PARD3: variants seen among roughly 807,000 people sequenced by gnomAD.
The protein encoded by PARD3 is partitioning defective 3 homolog.
PARD3 carries 75 observed loss-of-function variants against 155.4 expected under a neutral mutation model. The observed-to-expected ratio is 0.48, with a 90% CI of 0.40 to 0.58. The LOEUF is 0.58. PARD3 is among the 20% of genes least tolerant of loss of function. The probability of loss-of-function intolerance (pLI) is 0.00; values close to 1 mark genes in which losing one functional copy is unlikely to be tolerated. For missense variants in PARD3, 1,642 were observed against 1,721.7 expected (o/e 0.95, Z 0.82); for synonymous variants, 576 against 610.5 (o/e 0.94, Z 0.83).
intron 20 of PARD3, among the ~76,000 whole-genome samples, chr10:34,306,092 G>C (rs1045824038): frequency 6.6e-6 from 1 of 151,910 alleles, no homozygotes; most frequent in Non-Finnish European, 1.5e-5. Context: ...TCCAGAGTTG[G>C]AGACCAGCAT....
intron 20 of PARD3, among the ~76,000 whole-genome samples, chr10:34,307,407 G>A (rs1339743549): frequency 6.6e-6 from 1 of 152,112 alleles, no homozygotes; most frequent in Non-Finnish European, 1.5e-5. Flanking sequence ...CAAACTCTGG[G>A]AGCAGGGTAG....
At chr10:34,726,768 A>G (rs554892034) in intron 1 of PARD3, among the ~76,000 whole-genome samples, 1 of 151,924 alleles carries the variant, frequency 6.6e-6, no homozygotes, top group Non-Finnish European at 1.5e-5. Context: ...ATCTCCAAAA[A>G]AAAAAGTGGG....
At chr10:34,483,917 A>C (rs1412292211) in intron 3 of PARD3, among the ~76,000 whole-genome samples, 1 of 152,162 alleles carries the variant, frequency 6.6e-6, no homozygotes, top group East Asian at 1.9e-4. Context: ...ATTAATATAT[A>C]TTGCTGATTA....
intron 5 of PARD3, among the ~76,000 whole-genome samples, chr10:34,428,665 T>C (rs1042260974): frequency 1.3e-5 from 2 of 152,120 alleles, no homozygotes; most frequent in African/African-American, 4.8e-5. Flanking sequence ...AGTAAAGAGG[T>C]TAGAGCCCTG....
At chr10:34,644,923 G>A (rs1226604654) in intron 2 of PARD3, among the ~76,000 whole-genome samples, 4 of 152,074 alleles carry the variant, frequency 2.6e-5, no homozygotes, top group Non-Finnish European at 5.9e-5. Flanking sequence ...ATGAGATCCT[G>A]GCCCACTTCA....
In PARD3 at chr10:34,566,158, T is replaced by C. The variant is rs1030698064; in HGVS notation, c.223-48999A>G. On this transcript the variant is annotated intron_variant, in intron 2 of 24. Coordinates refer to ENST00000374788, the MANE Select transcript of PARD3 (RefSeq NM_001184785.2). ...CACAACCAACAAATGACATTTTCTA[T>C]TTTGCAAGAAGTATTGAGCTATTTT... Among the ~76,000 whole-genome samples, 3 of 152,326 alleles carry C rather than the reference T, an allele frequency of 2.0e-5. No individual in the cohort carries two copies. The South Asian group carries it at 6.2e-4, about 32-fold the overall frequency.
intron 20 of PARD3, among the ~76,000 whole-genome samples, chr10:34,303,984 T>G (rs1230441767): frequency 1.3e-5 from 2 of 150,930 alleles, no homozygotes; most frequent in South Asian, 2.1e-4. Context: ...AAGGGGAAAA[T>G]GAGGGTGGGA....
At position 34,378,031 on chromosome 10, in the gene PARD3, T is replaced by G; in HGVS notation, c.1475A>C (p.Asn492Thr). 1 of 1,592,620 alleles carries G rather than the reference T, an allele frequency of 6.3e-7. No homozygotes were observed. The highest frequency in any genetic ancestry group is 1.1e-5 in the South Asian group (1 of 88,148). The change falls in exon 10 of 25, where the codon AAC (asparagine) becomes ACC (threonine). Residue 492 changes from asparagine (N) to threonine (T), a missense_variant. Coordinates refer to ENST00000374788, the MANE Select transcript of PARD3 (RefSeq NM_001184785.2). ...IGGSAPIYVK[N>T]ILPRGAAIQD... is the part of the protein sequence containing the mutation. ...AATGGCCGCCCCCCGGGGGAGAATG[T>G]TTTTCACATAGATTGGAGCTGAGCC...
At chr10:34,557,582 G>C (rs562104098) in intron 2 of PARD3, among the ~76,000 whole-genome samples, 3 of 152,084 alleles carry the variant, frequency 2.0e-5, no homozygotes, top group African/African-American at 7.2e-5. Context: ...AGGTTGAAGC[G>C]ATTCTCTTGT....
intron 23 of PARD3, among the ~76,000 whole-genome samples, chr10:34,121,699 A>G (rs1260544725): frequency 6.6e-6 from 1 of 152,226 alleles, no homozygotes; most frequent in Non-Finnish European, 1.5e-5. Flanking sequence ...AATATACAGG[A>G]CAAACATTTC....
intron 2 of PARD3, among the ~76,000 whole-genome samples, chr10:34,695,430 A>T (rs933018684): frequency 6.7e-6 from 1 of 149,084 alleles, no homozygotes; most frequent in Non-Finnish European, 1.5e-5. Context: ...AGCAGCCGAG[A>T]TCACGCCACT....
At position 34,472,997 on chromosome 10, in the gene PARD3, G is replaced by A. The variant is rs1236384342; in HGVS notation, c.404-2734C>T. ...TTATCTCTATATACCTGTAGCTCTC[G>A]AAATAAAATATGGACTGGGGGAAAG... On this transcript the variant is annotated intron_variant, in intron 3 of 24. Transcript: ENST00000374788. Among the ~76,000 whole-genome samples, 7 of 152,230 alleles carry A rather than the reference G, an allele frequency of 4.6e-5. No homozygotes were observed. In the East Asian group the frequency reaches 7.7e-4, roughly 17 times the overall value.
At chr10:34,621,835 G>A (rs2091696740) in intron 2 of PARD3, among the ~76,000 whole-genome samples, 4 of 152,056 alleles carry the variant, frequency 2.6e-5, no homozygotes, top group Admixed American at 2.6e-4. Flanking sequence ...TACCAAAACT[G>A]AAAAAAGATT....
chr10:34,295,336 T>G (rs1167741055), intron 20 of PARD3, among the ~76,000 whole-genome samples: 1 of 152,168 alleles, frequency 6.6e-6, no homozygotes, highest in Non-Finnish European at 1.5e-5. Context: ...TCCACATTCT[T>G]CCTTATTTGA....
intron 22 of PARD3, among the ~76,000 whole-genome samples, chr10:34,217,916 T>C (rs1952082520): frequency 6.6e-6 from 1 of 152,006 alleles, no homozygotes; most frequent in African/African-American, 2.4e-5. Context: ...CCTTAAAAAA[T>C]ATAATGAAGT....
chr10:34,492,932 T>C (rs1354028240), intron 3 of PARD3, among the ~76,000 whole-genome samples: 3 of 152,208 alleles, frequency 2.0e-5, no homozygotes, highest in Non-Finnish European at 4.4e-5. Context: ...CTCTCAATGA[T>C]TGGAAAATGA....
chr10:34,204,795 T>C (rs1004987432), intron 22 of PARD3, among the ~76,000 whole-genome samples: 1 of 152,242 alleles, frequency 6.6e-6, no homozygotes, highest in Non-Finnish European at 1.5e-5. Flanking sequence ...GTGGTATCTA[T>C]ATTATGGGCT....
At chr10:34,481,305 T>C (rs1447039578) in intron 3 of PARD3, among the ~76,000 whole-genome samples, 2 of 152,108 alleles carry the variant, frequency 1.3e-5, no homozygotes, top group Non-Finnish European at 2.9e-5. Context: ...CTCCTTTCCT[T>C]TCATCCCCAG....
chr10:34,701,887 G>A (rs1322038419), intron 1 of PARD3, among the ~76,000 whole-genome samples: 2 of 152,158 alleles, frequency 1.3e-5, no homozygotes, highest in Non-Finnish European at 2.9e-5. Flanking sequence ...TTTTGGCTGG[G>A]TGTGGTGGCT....
Sources: gnomAD v4.1 joint callset for allele counts (sites outside exome capture counted in the v4.1 genomes callset) on GRCh38, gnomAD v4.1.1 for gene constraint, MANE v1.5 for transcripts, NCBI Gene and HGNC (gene_info 2026-07-23, HGNC 2026-07-21) for gene names.